Variants in KCNMB2 observed in about 807,000 individuals in gnomAD.
KCNMB2 encodes calcium-activated potassium channel subunit beta-2.
Under a neutral mutation model 24.5 loss-of-function variants are expected in KCNMB2, and 9 were observed. The observed-to-expected ratio is 0.37, with a 90% CI of 0.22 to 0.64. The LOEUF is 0.64. KCNMB2 is among the 30% of genes least tolerant of loss of function. The pLI is 0.63. For missense variants in KCNMB2, 226 were observed against 284.3 expected, an observed-to-expected ratio of 0.79 and a Z score of 1.47; for synonymous variants, 109 against 104.4, an observed-to-expected ratio of 1.04 and a Z score of -0.27.
At chr3:178,806,169 A>G (rs1159686437) in intron 1 of KCNMB2, among the ~76,000 whole-genome samples, 1 of 152,200 alleles carries the variant, frequency 6.6e-6, no homozygotes, top group Non-Finnish European at 1.5e-5. Context: ...TTAAAAACTA[A>G]AAGAATGGAA....
chr3:178,632,581 A>G (rs1025334183), intron 1 of KCNMB2, among the ~76,000 whole-genome samples: 1 of 152,174 alleles, frequency 6.6e-6, no homozygotes, highest in Non-Finnish European at 1.5e-5. Context: ...AACTCCCCCT[A>G]TGATTCAATT....
chr3:178,648,322 G>C (rs1404980103), intron 1 of KCNMB2, among the ~76,000 whole-genome samples: 1 of 152,160 alleles, frequency 6.6e-6, no homozygotes, highest in Non-Finnish European at 1.5e-5. Context: ...AGGATCACCT[G>C]AGGCCAGTAG....
At chr3:178,633,900 T>C (rs542749576) in intron 1 of KCNMB2, among the ~76,000 whole-genome samples, 1 of 152,372 alleles carries the variant, frequency 6.6e-6, no homozygotes, top group Admixed American at 6.5e-5. Flanking sequence ...CCTTAAATCA[T>C]ATCTCTCAAG....
At chr3:178,770,336 A>G (rs545182482) in intron 1 of KCNMB2, among the ~76,000 whole-genome samples, 1 of 152,368 alleles carries the variant, frequency 6.6e-6, no homozygotes, top group South Asian at 2.1e-4. Flanking sequence ...CAATCAAGGC[A>G]GAGATTTAGT....
At chr3:178,544,229 G>A (rs1269187937) in intron 1 of KCNMB2, among the ~76,000 whole-genome samples, 1 of 152,148 alleles carries the variant, frequency 6.6e-6, no homozygotes, top group East Asian at 1.9e-4. Context: ...TAATAATTAA[G>A]CCCTGGATCT....
intron 1 of KCNMB2, among the ~76,000 whole-genome samples, chr3:178,752,227 A>C (rs139314770): frequency 6.6e-6 from 1 of 152,374 alleles, no homozygotes; most frequent in Non-Finnish European, 1.5e-5. Flanking sequence ...GTCAGAAGAG[A>C]ACTATAAACA....
At chr3:178,757,374 C>A (rs1165535627) in intron 1 of KCNMB2, among the ~76,000 whole-genome samples, 16 of 23,038 alleles carry the variant, frequency 6.9e-4, no homozygotes, top group Admixed American at 1.5e-3. Flanking sequence ...ATATATATAT[C>A]CAAGAGGATA....
In KCNMB2 at chr3:178,842,787, C is replaced by T; in HGVS notation, c.558C>T (p.Ile186=). The T allele has an allele frequency of 6.2e-7, 1 of 1,613,952 alleles. No homozygotes were observed. The highest frequency in any genetic ancestry group is 1.7e-5 in the Admixed American group (1 of 60,008). The part of the protein sequence containing the change: ...SDPEGNQKSV[I]LTKLYSSNVL... Reference sequence around the variant, plus strand: ...CAGAAGGAAACCAGAAGAGTGTTATCCTAACAAAACTCTACAGTTCCAACG... The same window carrying T: ...CAGAAGGAAACCAGAAGAGTGTTATTCTAACAAAACTCTACAGTTCCAACG... Residue 186 remains isoleucine, a synonymous_variant, in exon 5 of 5, where the codon ATC becomes ATT. Transcript: ENST00000452583.
At chr3:178,712,597 G>A (rs970716617) in intron 1 of KCNMB2, among the ~76,000 whole-genome samples, 7 of 152,072 alleles carry the variant, frequency 4.6e-5, no homozygotes, top group Admixed American at 1.3e-4. Flanking sequence ...AGGTGTTGTC[G>A]GTGTGTGTTA....
At chr3:178,804,142 T>C (rs1424138479) in intron 1 of KCNMB2, among the ~76,000 whole-genome samples, 1 of 152,200 alleles carries the variant, frequency 6.6e-6, no homozygotes, top group African/African-American at 2.4e-5. Context: ...AATTACAAAA[T>C]TGTGTAAAGT....
At chr3:178,729,938 C>A (rs1559992778) in intron 1 of KCNMB2, among the ~76,000 whole-genome samples, 1 of 152,144 alleles carries the variant, frequency 6.6e-6, no homozygotes, top group Non-Finnish European at 1.5e-5. Flanking sequence ...TGCTGGTTGA[C>A]AAAAGGCTCT....
intron 1 of KCNMB2, among the ~76,000 whole-genome samples, chr3:178,569,311 G>A (rs1272930589): frequency 6.6e-6 from 1 of 152,118 alleles, no homozygotes; most frequent in Non-Finnish European, 1.5e-5. Flanking sequence ...CGATCATGGT[G>A]GCTAATCACA....
At chr3:178,826,162 C>T (rs1052052216) in intron 3 of KCNMB2, among the ~76,000 whole-genome samples, 14 of 152,244 alleles carry the variant, frequency 9.2e-5, no homozygotes, top group Middle Eastern at 3.4e-3. Context: ...CACTTCTGTC[C>T]GTTCCCCACC....
intron 1 of KCNMB2, among the ~76,000 whole-genome samples, chr3:178,668,125 C>T (rs1270791542): frequency 6.6e-6 from 1 of 152,140 alleles, no homozygotes; most frequent in Non-Finnish European, 1.5e-5. Context: ...TGTCTATTCA[C>T]CCACGGAACA....
chr3:178,719,431 C>T (rs888412010), intron 1 of KCNMB2, among the ~76,000 whole-genome samples: 3 of 152,202 alleles, frequency 2.0e-5, no homozygotes, highest in African/African-American at 4.8e-5. Context: ...TAGGTAACAG[C>T]TTGTGTGACT....
At chr3:178,684,898 C>G (rs934551440) in intron 1 of KCNMB2, among the ~76,000 whole-genome samples, 2 of 152,170 alleles carry the variant, frequency 1.3e-5, no homozygotes, top group Admixed American at 1.3e-4. Context: ...TCCATATATT[C>G]CATAACATCA....
chr3:178,590,470 A>G (rs938837885), intron 1 of KCNMB2, among the ~76,000 whole-genome samples: 1 of 152,200 alleles, frequency 6.6e-6, no homozygotes, highest in African/African-American at 2.4e-5. Flanking sequence ...ATAATGTAAC[A>G]TATAACATAA....
intron 1 of KCNMB2, among the ~76,000 whole-genome samples, chr3:178,642,890 A>C (rs561462127): frequency 6.6e-6 from 1 of 152,338 alleles, no homozygotes; most frequent in Non-Finnish European, 1.5e-5. Flanking sequence ...GAAGGTCAAA[A>C]CAATTACCTG....
chr3:178,558,143 TTTC>T (rs1461955985), intron 1 of KCNMB2, among the ~76,000 whole-genome samples: 5 of 151,992 alleles, frequency 3.3e-5, no homozygotes, highest in Admixed American at 3.3e-4. Flanking sequence ...CTCTGAAGAG[TTTC>T]TTATGACTAG....
Sources: gnomAD v4.1 joint callset for allele counts (sites outside exome capture counted in the v4.1 genomes callset) on GRCh38, gnomAD v4.1.1 for gene constraint, MANE v1.5 for transcripts, NCBI Gene and HGNC (gene_info 2026-07-23, HGNC 2026-07-21) for gene names.